Variants in PCYT2 observed in about 807,000 individuals in gnomAD.
The protein encoded by PCYT2 is ethanolamine-phosphate cytidylyltransferase.
In PCYT2, 33 loss-of-function variants were observed where a neutral mutation model predicts 50.0. That is an observed-to-expected ratio of 0.66 (90% CI 0.50 to 0.88). The LOEUF (loss-of-function observed/expected upper bound fraction) is 0.88. PCYT2 is among the 40% of genes least tolerant of loss of function. The pLI, the probability that PCYT2 is intolerant of heterozygous loss-of-function variation, is 0.00. For missense variants in PCYT2, 430 were observed against 519.7 expected (o/e 0.83, Z 1.68); for synonymous variants, 240 against 203.7 (o/e 1.18, Z -1.52).
chr17:81,906,561 A>G lies in PCYT2; in HGVS notation c.677-15T>C, dbSNP rs1307694019. On this transcript the variant is annotated splice_polypyrimidine_tract_variant and intron_variant, in intron 7 of 12. Transcript: ENST00000538936. ...ATGCCCGATGTCTGCACCCAGGTTAAGAAGCAGTCGGGATGGGGATGACAG... is the reference window on the plus strand; with the variant it reads ...ATGCCCGATGTCTGCACCCAGGTTAGGAAGCAGTCGGGATGGGGATGACAG... The G allele has an allele frequency of 6.2e-7, 1 of 1,612,830 alleles. No homozygotes were observed. Among genetic ancestry groups the G allele is most frequent in the Non-Finnish European group, 8.5e-7 (1 of 1,179,476 alleles).
chr17:81,906,505 C>T lies in PCYT2; in HGVS notation c.718G>A (p.Ala240Thr). ...CCCGCGATGATGTAGGGCCTCTCTG[C>T]CAGCCTGTGCACCTTCTCCAGGAAG... ...VDFLEKVHRL[A>T]ERPYIIAGLH... The change falls in exon 8 of 13, where the codon GCA becomes ACA. Residue 240 changes from alanine to threonine, a missense_variant. This residue lies in a region of PCYT2 where 248 missense variants were observed against 300.2 expected (regional missense o/e 0.83). Coordinates refer to ENST00000538936, the MANE Select transcript of PCYT2 (RefSeq NM_002861.5). 6.2e-7 allele frequency: 1 copy of T among 1,613,578 alleles called. No homozygotes were observed. The highest frequency in any genetic ancestry group is 1.7e-5 in the Admixed American group (1 of 60,020).
intron 6 of PCYT2, 89 bp downstream of exon 6, chr17:81,907,465 T>C (rs1598324297): frequency 7.1e-7 from 1 of 1,406,050 alleles, no homozygotes; most frequent in East Asian, 2.4e-5. Flanking sequence ...GGCTCTGGGC[T>C]GGCCTTTCCC....
Position 81,909,542 on chromosome 17 carries a change from G to A in PCYT2, c.150C>T (p.Asp50=), listed in dbSNP as rs2040462931. Residue 50 remains aspartate, a synonymous_variant, in exon 2 of 13, where the codon GAC becomes GAT. Transcript: ENST00000538936. ...CGGTGTGCACGCCTACGATGAGGTA[G>A]TCACCCATGGCCCGTGCCTGGCGCA... ...NQLRQARAMG[D]YLIVGVHTDE... 1 of 1,613,526 alleles carries A rather than the reference G, an allele frequency of 6.2e-7. No homozygotes were observed. The highest frequency in any genetic ancestry group is 1.3e-5 in the African/African-American group (1 of 74,950).
chr17:81,902,300 C>T lies in PCYT2; in HGVS notation c.*2533G>A. ...CCCATGGCCCGGTCCGCGACACTGG[C>T]GGCCGCCGCCCTGGCGCTGTGCCTG... On this transcript the variant is annotated 3_prime_UTR_variant, in exon 13 of 13. Coordinates refer to ENST00000538936, the MANE Select transcript of PCYT2 (RefSeq NM_002861.5). 7.6e-7 allele frequency: 1 copy of T among 1,323,050 alleles called. No homozygotes were observed. Among genetic ancestry groups the T allele is most frequent in the South Asian group, 2.2e-5 (1 of 46,326 alleles). The allele number at this position is 1,323,050 out of a possible 1,614,324, so 82.0% of individuals were successfully genotyped here. A position where few individuals can be genotyped will look rare whatever the true frequency, so the allele number is the denominator to read the frequency against.
At position 81,902,809 on chromosome 17, in the gene PCYT2, C is replaced by A. The variant is rs1381892701; in HGVS notation, c.*2024G>T. ...GCCCCCACCGTCCCACTCGGTGACC[C>A]CAGGCCCCTCCGGCGCGGGATGGCG... On this transcript the variant is annotated 3_prime_UTR_variant, in exon 13 of 13. Coordinates refer to ENST00000538936, the MANE Select transcript of PCYT2 (RefSeq NM_002861.5). 12 of 1,474,558 alleles carry A rather than the reference C, an allele frequency of 8.1e-6. No homozygotes were observed. The highest frequency in any genetic ancestry group is 1.1e-5 in the Non-Finnish European group (12 of 1,104,638). 91.3% of individuals were successfully genotyped at this position (1,474,558 alleles called of 1,614,324 possible).
At position 81,903,097 on chromosome 17, in the gene PCYT2, G is replaced by T; in HGVS notation, c.*1736C>A. On this transcript the variant is annotated 3_prime_UTR_variant, in exon 13 of 13. Transcript: ENST00000538936. ...CCGCGGTGAAGCCGCGCCTAGCCTT[G>T]GTGCTCCCTGGGGGAAGTGCAGGGC... is the stretch of plus-strand genomic sequence containing the variant. The T allele has an allele frequency of 3.4e-6, 1 of 296,686 alleles. No homozygotes were observed. The highest frequency in any genetic ancestry group is 6.2e-6 in the Non-Finnish European group (1 of 160,490). The allele number at this position is 296,686 out of a possible 1,614,324, so 18.4% of individuals were successfully genotyped here. A position where few individuals can be genotyped will look rare whatever the true frequency, so the allele number is the denominator to read the frequency against.
Position 81,907,504 on chromosome 17 carries a change from G to A in PCYT2, c.537+50C>T, listed in dbSNP as rs1200927049. ...GGGATGGCTGGGACAGGTGGCCGGGGGAGCCCCCTGCAGCTGCGTGCTCAG... is the reference window on the plus strand; with the variant it reads ...GGGATGGCTGGGACAGGTGGCCGGGAGAGCCCCCTGCAGCTGCGTGCTCAG... On this transcript the variant is annotated intron_variant, in intron 6 of 12. Transcript: ENST00000538936. The A allele has an allele frequency of 1.9e-6, 3 of 1,564,156 alleles. No individual in the cohort carries two copies. In the South Asian group the frequency reaches 3.5e-5, roughly 18 times the overall value.
In PCYT2 at chr17:81,908,621, C is replaced by A; in HGVS notation, c.354G>T (p.Leu118=). Residue 118 remains leucine (L), a synonymous_variant, in exon 4 of 13, where the codon CTG becomes CTT. Coordinates refer to ENST00000538936, the MANE Select transcript of PCYT2 (RefSeq NM_002861.5). ...DFCVHGNDIT[L]TVDGRDTYEE... is the part of the protein sequence containing the mutation. ...CATAGGTGTCCCGGCCATCTACAGT[C>A]AGGGTGATGTCATCTAAGCAGTGAC... is the stretch of plus-strand genomic sequence containing the variant. 6.2e-7 allele frequency: 1 copy of A among 1,613,336 alleles called. No individual in the cohort carries two copies. The highest frequency in any genetic ancestry group is 1.1e-5 in the South Asian group (1 of 91,038).
chr17:81,908,668 A>C lies in PCYT2; in HGVS notation c.341-34T>G, dbSNP rs1450231823. ...TGACACACAAGGACAAGGATCCTTA[A>C]CCCAAAGCCACCAGAACCTTCAGAG... On this transcript the variant is annotated intron_variant, in intron 3 of 12. Coordinates refer to ENST00000538936, the MANE Select transcript of PCYT2 (RefSeq NM_002861.5). The C allele has an allele frequency of 2.6e-6, 4 of 1,563,950 alleles. No individual in the cohort carries two copies. In the East Asian group the frequency reaches 9.0e-5, roughly 35 times the overall value.
chr17:81,902,841 G>T lies in PCYT2; in HGVS notation c.*1992C>A, dbSNP rs964022770. On this transcript the variant is annotated 3_prime_UTR_variant, in exon 13 of 13. Transcript: ENST00000538936. ...CCTCCGGCGCGGGATGGCGCCCCAG[G>T]TCTCCCCTACTCCGCTCACCCCGCA... 4.2e-6 allele frequency: 5 copies of T among 1,185,852 alleles called. No individual in the cohort carries two copies. The highest frequency in any genetic ancestry group is 5.8e-6 in the Non-Finnish European group (5 of 859,818). The allele number at this position is 1,185,852 out of a possible 1,614,324, so 73.5% of individuals were successfully genotyped here. A position where few individuals can be genotyped will look rare whatever the true frequency, so the allele number is the denominator to read the frequency against.
intron 3 of PCYT2, 91 bp from the exon 4 acceptor site, chr17:81,908,725 A>G (rs960621873): frequency 1.5e-6 from 2 of 1,332,704 alleles, no homozygotes; most frequent in Non-Finnish European, 2.1e-6. Flanking sequence ...GGCCTGCCCT[A>G]GTGTCCGCGT....
Position 81,905,381 on chromosome 17 carries a change from C to A in PCYT2, c.969+1G>T. Reference sequence around the variant, plus strand: ...GCCCAGCAAGGGCCAGCATGACCCACCTGGTATGGGTCGGAGCCATCCCTG... The same window carrying A: ...GCCCAGCAAGGGCCAGCATGACCCAACTGGTATGGGTCGGAGCCATCCCTG... On this transcript the variant is annotated splice_donor_variant, in intron 11 of 12. Transcript: ENST00000538936. LOFTEE classifies it high-confidence loss of function. 6.4e-7 allele frequency: 1 copy of A among 1,556,552 alleles called. No individual in the cohort carries two copies. The highest frequency in any genetic ancestry group is 8.7e-7 in the Non-Finnish European group (1 of 1,149,770).
chr17:81,909,533 G>A lies in PCYT2; in HGVS notation c.159C>T (p.Ile53=), dbSNP rs778475302. 10 of 1,613,290 alleles carry A rather than the reference G, an allele frequency of 6.2e-6. No individual in the cohort carries two copies. In the Admixed American group the frequency reaches 1.2e-4, roughly 19 times the overall value. Residue 53 remains isoleucine, a synonymous_variant, in exon 2 of 13, where the codon ATC becomes ATT. Coordinates refer to ENST00000538936, the MANE Select transcript of PCYT2 (RefSeq NM_002861.5). ...RQARAMGDYL[I]VGVHTDEEIA... is the part of the protein sequence containing the mutation. ...GCTTACCATCGGTGTGCACGCCTACGATGAGGTAGTCACCCATGGCCCGTG... is the reference window on the plus strand; with the variant it reads ...GCTTACCATCGGTGTGCACGCCTACAATGAGGTAGTCACCCATGGCCCGTG...
rs1365231794 is a variant in PCYT2, at chr17:81,907,572, A to G, written c.519T>C (p.Tyr173=). Reference sequence around the variant, plus strand: ...CACTCACCTTGCCAAAACTGTCTGCATACTCCCGGTACTCAGAGGACATCT... The same window carrying G: ...CACTCACCTTGCCAAAACTGTCTGCGTACTCCCGGTACTCAGAGGACATCT... The part of the protein sequence containing the change: ...SQEMSSEYRE[Y]ADSFGKCPGG... Residue 173 remains tyrosine (Y), a synonymous_variant, in exon 6 of 13, where the codon TAT becomes TAC. Coordinates refer to ENST00000538936, the MANE Select transcript of PCYT2 (RefSeq NM_002861.5). 3.7e-6 allele frequency: 6 copies of G among 1,611,606 alleles called. No homozygotes were observed. The highest frequency in any genetic ancestry group is 1.1e-5 in the South Asian group (1 of 90,686).
chr17:81,905,499 C>A (rs2040210482), intron 10 of PCYT2, 52 bp from the exon 11 acceptor site: 1 of 1,519,840 alleles, frequency 6.6e-7, no homozygotes, highest in African/African-American at 1.4e-5. Flanking sequence ...GCGGCCGTCG[C>A]CACCCACAGC....
At position 81,904,707 on chromosome 17, in the gene PCYT2, G is replaced by T; in HGVS notation, c.*126C>A. ...AGGCACCTTGTAGGCAGGCAAGGAG[G>T]CAGAGTCCTCACCAGCCCTTCCAGA... On this transcript the variant is annotated 3_prime_UTR_variant, in exon 13 of 13. Coordinates refer to ENST00000538936, the MANE Select transcript of PCYT2 (RefSeq NM_002861.5). The T allele has an allele frequency of 1.6e-6, 1 of 638,348 alleles. No individual in the cohort carries two copies. Among genetic ancestry groups the T allele is most frequent in the Non-Finnish European group, 2.7e-6 (1 of 371,078 alleles). The allele number at this position is 638,348 out of a possible 1,614,324, so 39.5% of individuals were successfully genotyped here.
chr17:81,904,530 G>A lies in PCYT2; in HGVS notation c.*303C>T, dbSNP rs1468900205. On this transcript the variant is annotated 3_prime_UTR_variant, in exon 13 of 13. Coordinates refer to ENST00000538936, the MANE Select transcript of PCYT2 (RefSeq NM_002861.5). ...CAGTGTGGCCTCTGTCCAGGTGGTG[G>A]GGGCATCCGGGGACCAGGTGGGGGC... 3 of 379,292 alleles carry A rather than the reference G, an allele frequency of 7.9e-6. No individual in the cohort carries two copies. Among genetic ancestry groups the A allele is most frequent in the Admixed American group, 8.4e-5 (2 of 23,746 alleles). The allele number at this position is 379,292 out of a possible 1,614,324, so 23.5% of individuals were successfully genotyped here.
In PCYT2 at chr17:81,902,666, G is replaced by T. The variant is rs200237562; in HGVS notation, c.*2167C>A. ...GCCCCAAACCTGCAGAGGTGCGAGC[G>T]GCTCCCCGACGGCCGCGGGACCTAC... On this transcript the variant is annotated 3_prime_UTR_variant, in exon 13 of 13. Coordinates refer to ENST00000538936, the MANE Select transcript of PCYT2 (RefSeq NM_002861.5). 9.3e-6 allele frequency: 15 copies of T among 1,607,408 alleles called. No homozygotes were observed. In the East Asian group the frequency reaches 1.8e-4, roughly 19 times the overall value.
chr17:81,907,281 C>A, intron 6 of PCYT2: 2 of 1,523,816 alleles, frequency 1.3e-6, no homozygotes, highest in South Asian at 1.2e-5. Context: ...GAGGGCCAGG[C>A]CACTTGGTTA....
Sources: gnomAD v4.1 joint callset for allele counts on GRCh38, gnomAD v4.1.1 for gene constraint, gnomAD v4.1.1 regional missense constraint, MANE v1.5 for transcripts, NCBI Gene and HGNC (gene_info 2026-07-23, HGNC 2026-07-21) for gene names.